The following NECAB1 variants were observed in gnomAD, a reference collection of about 807,000 sequenced individuals.
The protein encoded by NECAB1 is N-terminal EF-hand calcium-binding protein 1.
NECAB1 carries 29 observed loss-of-function variants against 57.5 expected under a neutral mutation model. The observed-to-expected ratio is 0.50, with a 90% CI of 0.38 to 0.69. NECAB1 has a LOEUF of 0.69. Among genes scored for constraint, NECAB1 ranks in the 30% least tolerant of loss-of-function variants. The pLI, the probability that NECAB1 is intolerant of heterozygous loss-of-function variation, is 0.00. For synonymous variants in NECAB1, 142 were observed against 147.7 expected (o/e 0.96, Z 0.28); for missense variants, 372 against 413.8 (o/e 0.90, Z 0.88).
At chr8:90,813,380 C>T (rs1812001170) in intron 2 of NECAB1, among the ~76,000 whole-genome samples, 1 of 151,686 alleles carries the variant, frequency 6.6e-6, no homozygotes, top group African/African-American at 2.4e-5. Flanking sequence ...TCTGTTGAGT[C>T]TATTACTGAG....
At chr8:90,902,417 A>G (rs1563526161) in intron 5 of NECAB1, among the ~76,000 whole-genome samples, 1 of 152,166 alleles carries the variant, frequency 6.6e-6, no homozygotes, top group Non-Finnish European at 1.5e-5. Context: ...GTGAGACTCT[A>G]AAAAAACAAA....
At chr8:90,823,027 G>C (rs1226380079) in intron 2 of NECAB1, among the ~76,000 whole-genome samples, 1 of 151,660 alleles carries the variant, frequency 6.6e-6, no homozygotes, top group Non-Finnish European at 1.5e-5. Context: ...TATCCATCAG[G>C]TTACATGGGG....
intron 6 of NECAB1, among the ~76,000 whole-genome samples, chr8:90,924,594 CTCTT>C (rs1810213700): frequency 6.6e-6 from 1 of 152,176 alleles, no homozygotes; most frequent in South Asian, 2.1e-4. Flanking sequence ...ATCATAGACA[CTCTT>C]TCTTTTTCAC....
In NECAB1 at chr8:90,907,188, G is replaced by GAGAGA. The variant is rs370070496; in HGVS notation, c.358-10303_358-10302insGAGAA. ...AGAGAGAGAGAGAGAGAGAGAGAGA[G>GAGAGA]AATTAGTAGACTGCATTGTTTTAGC... is the stretch of plus-strand genomic sequence containing the variant. On this transcript the variant is annotated intron_variant, in intron 5 of 12. Transcript: ENST00000417640. Among the ~76,000 whole-genome samples, 501 of 142,388 alleles carry GAGAGA rather than the reference G, an allele frequency of 3.5e-3. 5 individuals carry two copies. The highest frequency in any genetic ancestry group is 0.013 in the African/African-American group (462 of 34,538). The allele number at this position is 142,388 out of a possible 152,430, so 93.4% of individuals were successfully genotyped here. A position where few individuals can be genotyped will look rare whatever the true frequency, so the allele number is the denominator to read the frequency against.
intron 3 of NECAB1, among the ~76,000 whole-genome samples, chr8:90,826,759 T>C (rs1464064215): frequency 6.6e-6 from 1 of 151,750 alleles, no homozygotes; most frequent in Non-Finnish European, 1.5e-5. Context: ...AAGTTTTCAA[T>C]AGATCTTGTT....
chr8:90,832,558 A>G (rs922671640), intron 3 of NECAB1, among the ~76,000 whole-genome samples: 6 of 152,178 alleles, frequency 3.9e-5, no homozygotes, highest in Non-Finnish European at 8.8e-5. Flanking sequence ...GGCAGTTTCT[A>G]TATAATTTCT....
chr8:90,934,371 T>A lies in NECAB1; in HGVS notation c.747+14T>A, dbSNP rs1453018268. ...AATACTAAATCTGTAAGTATTTTTA[T>A]CAGGTAAAAATGTTAGAAATATATT... On this transcript the variant is annotated intron_variant, in intron 9 of 12. Coordinates refer to ENST00000417640, the MANE Select transcript of NECAB1 (RefSeq NM_022351.5). 1 of 1,434,218 alleles carries A rather than the reference T, an allele frequency of 7.0e-7. No individual in the cohort carries two copies. The highest frequency in any genetic ancestry group is 1.4e-5 in the African/African-American group (1 of 69,178). 88.8% of individuals were successfully genotyped at this position (1,434,218 alleles called of 1,614,324 possible). A position where few individuals can be genotyped will look rare whatever the true frequency, so the allele number is the denominator to read the frequency against.
At chr8:90,877,937 A>G (rs1808757557) in intron 4 of NECAB1, among the ~76,000 whole-genome samples, 2 of 152,132 alleles carry the variant, frequency 1.3e-5, no homozygotes, top group Admixed American at 1.3e-4. Flanking sequence ...TCCTCTGAGT[A>G]TCCAGCAGGT....
intron 5 of NECAB1, among the ~76,000 whole-genome samples, chr8:90,886,464 T>A (rs1464596084): frequency 6.6e-6 from 1 of 152,196 alleles, no homozygotes; most frequent in Non-Finnish European, 1.5e-5. Context: ...TTATCTTAAT[T>A]CTTGTATACT....
chr8:90,854,715 CT>C (rs1169351368), intron 3 of NECAB1, among the ~76,000 whole-genome samples: 2 of 152,130 alleles, frequency 1.3e-5, no homozygotes, highest in Non-Finnish European at 1.5e-5. Context: ...AGTCTAGAGA[CT>C]TTTTTTGGGC....
chr8:90,854,886 C>T (rs750324003), intron 3 of NECAB1, among the ~76,000 whole-genome samples: 2 of 152,188 alleles, frequency 1.3e-5, no homozygotes, highest in Non-Finnish European at 2.9e-5. Context: ...TGGGGACACC[C>T]TAATTGGGAT....
chr8:90,833,299 G>A (rs11782357), intron 3 of NECAB1, among the ~76,000 whole-genome samples: 2,912 of 151,336 alleles, frequency 0.019, 52 homozygotes, highest in Non-Finnish European at 0.029. Flanking sequence ...TCCTTTAATC[G>A]TTTGTATTAA....
chr8:90,951,722 C>G (rs1380798082), intron 12 of NECAB1, among the ~76,000 whole-genome samples: 1 of 151,560 alleles, frequency 6.6e-6, no homozygotes. Flanking sequence ...AAAGTGCTTT[C>G]TGTCCAGCTT....
intron 5 of NECAB1, among the ~76,000 whole-genome samples, chr8:90,914,948 G>A (rs1809916276): frequency 6.6e-6 from 1 of 152,134 alleles, no homozygotes; most frequent in South Asian, 2.1e-4. Flanking sequence ...TGACTGGAAT[G>A]TTTAAAATGA....
At chr8:90,811,237 C>T (rs1971347) in intron 2 of NECAB1, among the ~76,000 whole-genome samples, 2 of 151,972 alleles carry the variant, frequency 1.3e-5, no homozygotes, top group Admixed American at 1.3e-4. Context: ...AGGCGTGAGC[C>T]ACTGCACCTG....
At chr8:90,870,685 T>G (rs780853643) in intron 3 of NECAB1, among the ~76,000 whole-genome samples, 1 of 152,248 alleles carries the variant, frequency 6.6e-6, no homozygotes, top group African/African-American at 2.4e-5. Flanking sequence ...AACAACTATT[T>G]TATTGCATTA....
chr8:90,833,608 A>G (rs1812325026), intron 3 of NECAB1, among the ~76,000 whole-genome samples: 1 of 152,144 alleles, frequency 6.6e-6, no homozygotes, highest in South Asian at 2.1e-4. Context: ...TACTGCTCAA[A>G]ATAAAAATTG....
intron 2 of NECAB1, among the ~76,000 whole-genome samples, chr8:90,809,474 A>G (rs1284614779): frequency 6.6e-6 from 1 of 152,244 alleles, no homozygotes; most frequent in Admixed American, 6.5e-5. Context: ...ATCAGTGGCA[A>G]AGATGATAGA....
chr8:90,945,915 C>T (rs1586149197), intron 10 of NECAB1, among the ~76,000 whole-genome samples: 2 of 152,218 alleles, frequency 1.3e-5, no homozygotes, highest in African/African-American at 4.8e-5. Context: ...GAGAAAGACA[C>T]AGGCTGTTTC....
Sources: allele counts gnomAD v4.1 joint callset (sites outside exome capture counted in the v4.1 genomes callset), GRCh38; gene constraint gnomAD v4.1.1; transcripts MANE v1.5; gene names NCBI Gene and HGNC (gene_info 2026-07-23, HGNC 2026-07-21).